ARMC6: variants seen among roughly 807,000 people sequenced by gnomAD.
The protein encoded by ARMC6 is armadillo repeat-containing protein 6.
A neutral mutation model predicts 49.2 loss-of-function variants in ARMC6; 43 were observed. That is an observed-to-expected ratio of 0.87 (90% CI 0.69 to 1.13). The LOEUF (loss-of-function observed/expected upper bound fraction) is 1.13, where lower values mean the gene tolerates loss of function less well. Ranked by LOEUF, ARMC6 falls within the 50% of genes most tolerant of loss-of-function variation. ARMC6 has a pLI of 0.00. For missense variants in ARMC6, 627 were observed against 682.0 expected, an observed-to-expected ratio of 0.92 and a Z score of 0.90; for synonymous variants, 262 against 289.6, an observed-to-expected ratio of 0.90 and a Z score of 0.97.
At chr19:19,038,962 GC>G (rs766663611) in intron 2 of ARMC6, among the ~76,000 whole-genome samples, 1 of 151,138 alleles carries the variant, frequency 6.6e-6, no homozygotes, top group Non-Finnish European at 1.5e-5. Flanking sequence ...CTGTGTTGCC[GC>G]AGGCTGGTCT....
intron 4 of ARMC6, among the ~76,000 whole-genome samples, chr19:19,050,041 T>A (rs1055400042): frequency 6.6e-6 from 1 of 152,162 alleles, no homozygotes. Flanking sequence ...AAATTTTTTT[T>A]AAATAAATGG....
At chr19:19,045,654 ATTTT>A (rs35182072) in intron 4 of ARMC6, among the ~76,000 whole-genome samples, 2 of 136,040 alleles carry the variant, frequency 1.5e-5, no homozygotes, top group Admixed American at 1.5e-4. Flanking sequence ...TGCCCAGCTA[ATTTT>A]TTTTTTTTTT....
At chr19:19,048,663 T>G (rs1007487058) in intron 4 of ARMC6, among the ~76,000 whole-genome samples, 20 of 152,230 alleles carry the variant, frequency 1.3e-4, no homozygotes, top group Admixed American at 4.6e-4. Flanking sequence ...GAAAATAGAT[T>G]GTAAATATTT....
At chr19:19,039,103 C>T (rs545426871) in intron 2 of ARMC6, among the ~76,000 whole-genome samples, 1 of 150,522 alleles carries the variant, frequency 6.6e-6, no homozygotes, top group East Asian at 2.0e-4. Flanking sequence ...CTATAATTTA[C>T]ATACCATAAT....
Position 19,052,120 on chromosome 19 carries a change from GGCCATGCCCACAA to G in ARMC6, c.779_791del (p.Gly260AlafsTer5). On this transcript the variant is annotated frameshift_variant, in exon 5 of 9. Coordinates refer to ENST00000535612, the MANE Select transcript of ARMC6 (RefSeq NM_001199196.2). LOFTEE classifies it high-confidence loss of function. ...CGATGACGACATCCGTGTGCCCTTT[GGCCATGCCCACAA>G]CCATGCCAAGATGATTGTGCAGGAG... 1 of 1,613,878 alleles carries G rather than the reference GGCCATGCCCACAA, an allele frequency of 6.2e-7. No individual in the cohort carries two copies. Among genetic ancestry groups the G allele is most frequent in the Non-Finnish European group, 8.5e-7 (1 of 1,180,028 alleles).
In ARMC6 at chr19:19,042,947, C is replaced by T. The variant is rs1440647383; in HGVS notation, c.196+70C>T. On this transcript the variant is annotated intron_variant, in intron 3 of 8. Coordinates refer to ENST00000535612, the MANE Select transcript of ARMC6 (RefSeq NM_001199196.2). ...CAAGAGCAGTGGGAGAGCCCTGCTG[C>T]CCCGCCCCACTGGGGGTGCCACATG... The T allele has an allele frequency of 3.2e-6, 5 of 1,566,772 alleles. No individual in the cohort carries two copies. The East Asian group carries it at 1.1e-4, about 35-fold the overall frequency.
chr19:19,036,159 T>G (rs1036390908), intron 2 of ARMC6, among the ~76,000 whole-genome samples: 1 of 152,194 alleles, frequency 6.6e-6, no homozygotes, highest in Non-Finnish European at 1.5e-5. Flanking sequence ...CCTCCCGGGT[T>G]CAAGCAATTC....
chr19:19,055,800 C>T lies in ARMC6; in HGVS notation c.1165C>T (p.Gln389Ter), dbSNP rs775424006. 3.2e-6 allele frequency: 5 copies of T among 1,577,152 alleles called. No homozygotes were observed. The highest frequency in any genetic ancestry group is 4.3e-6 in the Non-Finnish European group (5 of 1,155,410). ...QHLTSPQVCE[Q>*]SCAALCFLAL... Reference sequence around the variant, plus strand: ...TGACTGGCCCCTGCAGGTGTGTGAGCAGAGCTGCGCGGCCCTGTGCTTCCT... The same window carrying T: ...TGACTGGCCCCTGCAGGTGTGTGAGTAGAGCTGCGCGGCCCTGTGCTTCCT... The change falls in exon 8 of 9, where the codon CAG becomes TAG. Residue 389 changes from glutamine to a stop codon, truncating the protein, a stop_gained. Transcript: ENST00000535612. LOFTEE classifies it high-confidence loss of function. This position sits in a 1 kb window ranked among gnomAD's most constrained non-coding sequence, Gnocchi z 5.7.
chr19:19,052,172 A>G lies in ARMC6; in HGVS notation c.830A>G (p.Lys277Arg), dbSNP rs962831588. The part of the protein sequence containing the change: ...KMIVQENKGL[K>R]VLIEATKAFL... ...ATTGTGCAGGAGAACAAAGGCTTGA[A>G]GGTGCTCATCGAAGCCACCAAAGGT... The change falls in exon 5 of 9, where the codon AAG becomes AGG. Residue 277 changes from lysine (K) to arginine (R), a missense_variant. Transcript: ENST00000535612. The G allele has an allele frequency of 2.5e-6, 4 of 1,607,898 alleles. No homozygotes were observed. Among genetic ancestry groups the G allele is most frequent in the Non-Finnish European group, 2.5e-6 (3 of 1,176,746 alleles).
intron 3 of ARMC6, among the ~76,000 whole-genome samples, chr19:19,043,754 G>A (rs1259350617): frequency 6.6e-6 from 1 of 152,156 alleles, no homozygotes; most frequent in African/African-American, 2.4e-5. Context: ...AGCCTTGTGT[G>A]ACAACGGCCT....
Position 19,057,635 on chromosome 19 carries a change from G to A in ARMC6, c.*7G>A, listed in dbSNP as rs2145885606. 7 of 1,610,980 alleles carry A rather than the reference G, an allele frequency of 4.3e-6. No homozygotes were observed. The South Asian group carries it at 4.4e-5, about 10-fold the overall frequency. On this transcript the variant is annotated 3_prime_UTR_variant, in exon 9 of 9. Transcript: ENST00000535612. ...GGGCAACCTGGCGCCATGACCCCAG[G>A]CCCAGTCTGGGCCGTGACTCTGGGT...
At chr19:19,038,139 A>G (rs1323160712) in intron 2 of ARMC6, among the ~76,000 whole-genome samples, 2 of 152,202 alleles carry the variant, frequency 1.3e-5, no homozygotes, top group Non-Finnish European at 2.9e-5. Flanking sequence ...ATGATCTGTC[A>G]CTATCTCCCA....
At chr19:19,051,072 TGAGA>T (rs1295352190) in intron 4 of ARMC6, among the ~76,000 whole-genome samples, 1 of 152,214 alleles carries the variant, frequency 6.6e-6, no homozygotes, top group East Asian at 1.9e-4. Flanking sequence ...GTGGAGTGAA[TGAGA>T]GAGATGAAAG....
At chr19:19,048,775 A>G (rs919428167) in intron 4 of ARMC6, among the ~76,000 whole-genome samples, 3 of 152,322 alleles carry the variant, frequency 2.0e-5, no homozygotes, top group Admixed American at 2.0e-4. Context: ...TTTTCCCCAC[A>G]AGAGATAGCT....
At chr19:19,038,108 C>T (rs1473607227) in intron 2 of ARMC6, among the ~76,000 whole-genome samples, 2 of 152,224 alleles carry the variant, frequency 1.3e-5, no homozygotes, top group Non-Finnish European at 2.9e-5. Flanking sequence ...TTGGGCACTC[C>T]TTATGAAAAT....
At position 19,045,096 on chromosome 19, in the gene ARMC6, C is replaced by T. The variant is rs553220838; in HGVS notation, c.279+1022C>T. On this transcript the variant is annotated intron_variant, in intron 4 of 8. Transcript: ENST00000535612. ...CGTGATCTCAGCTCACTGCAACTTC[C>T]ACCTCCCAGATTCAAGTGATTCTCC... Among the ~76,000 whole-genome samples the T allele has an allele frequency of 2.6e-5, 4 of 151,782 alleles. No homozygotes were observed. In the East Asian group the frequency reaches 7.8e-4, roughly 30 times the overall value.
chr19:19,056,630 C>T (rs182554675), intron 8 of ARMC6, among the ~76,000 whole-genome samples: 1 of 152,290 alleles, frequency 6.6e-6, no homozygotes, highest in Admixed American at 6.5e-5. Context: ...GGATGGGGAT[C>T]TGCCTGGGGT....
Position 19,042,884 on chromosome 19 carries a change from T to C in ARMC6, c.196+7T>C. The C allele has an allele frequency of 6.2e-7, 1 of 1,613,278 alleles. No homozygotes were observed. ...GAGCAGTTTGAATCGCAAGGTAGGG[T>C]GGTGTGACTGTCACCTACCATCCTT... is the stretch of plus-strand genomic sequence containing the variant. On this transcript the variant is annotated splice_region_variant and intron_variant, in intron 3 of 8. Coordinates refer to ENST00000535612, the MANE Select transcript of ARMC6 (RefSeq NM_001199196.2).
At position 19,036,648 on chromosome 19, in the gene ARMC6, A is replaced by C. The variant is rs114848707; in HGVS notation, c.29+2410A>C. On this transcript the variant is annotated intron_variant, in intron 2 of 8. Coordinates refer to ENST00000535612, the MANE Select transcript of ARMC6 (RefSeq NM_001199196.2). ...ACCTTGGAAATCCATAGCAGCCCTT[A>C]AAGAGCTCCCTTTTCTTCTGGGGCA... Among the ~76,000 whole-genome samples, 298 of 152,316 alleles carry C rather than the reference A, an allele frequency of 2.0e-3. 1 individual carries two copies. Among genetic ancestry groups the C allele is most frequent in the African/African-American group, 6.9e-3 (287 of 41,568 alleles).
Sources: allele counts gnomAD v4.1 joint callset (sites outside exome capture counted in the v4.1 genomes callset), GRCh38; gene constraint gnomAD v4.1.1; non-coding constraint Gnocchi (gnomAD v3.1); transcripts MANE v1.5; gene names NCBI Gene and HGNC (gene_info 2026-07-23, HGNC 2026-07-21).